Variants in MICU1 observed in about 807,000 individuals in gnomAD.
MICU1 encodes the protein mitochondrial calcium uptake 1.
In MICU1, 45 loss-of-function variants were observed where a neutral mutation model predicts 56.8. That is an observed-to-expected ratio of 0.79 (90% CI 0.62 to 1.02). The LOEUF (loss-of-function observed/expected upper bound fraction) is 1.02. MICU1 is among the 50% of genes least tolerant of loss of function. MICU1 has a pLI of 0.00. For synonymous variants in MICU1, 186 were observed against 195.1 expected (o/e 0.95, Z 0.39); for missense variants, 504 against 587.1 (o/e 0.86, Z 1.46).
chr10:72,490,201 G>A (rs1866607560), intron 6 of MICU1, among the ~76,000 whole-genome samples: 1 of 152,080 alleles, frequency 6.6e-6, no homozygotes, highest in African/African-American at 2.4e-5. Flanking sequence ...TTAGACTGTA[G>A]CTGCTCTACA....
intron 1 of MICU1, among the ~76,000 whole-genome samples, chr10:72,601,419 C>A (rs1365124868): frequency 2.3e-5 from 3 of 131,978 alleles, no homozygotes; most frequent in Admixed American, 8.2e-5. Context: ...GCAAATGAGA[C>A]CCTGTCTTTA....
At chr10:72,562,526 T>G (rs192772381) in intron 3 of MICU1, among the ~76,000 whole-genome samples, 97 of 152,330 alleles carry the variant, frequency 6.4e-4, no homozygotes, top group Non-Finnish European at 8.1e-4. Flanking sequence ...CTAGAAGTTA[T>G]GTTTCCAAAG....
chr10:72,569,237 A>ATATATATATTTTTTTTT, intron 1 of MICU1, among the ~76,000 whole-genome samples: 1 of 34,390 alleles, frequency 2.9e-5, no homozygotes, highest in Non-Finnish European at 5.1e-5. Flanking sequence ...ATATATATAT[A>ATATATATATTTTTTTTT]TTTTTTTTTT....
chr10:72,494,055 T>G (rs1866755082), intron 6 of MICU1, among the ~76,000 whole-genome samples: 1 of 152,164 alleles, frequency 6.6e-6, no homozygotes, highest in African/African-American at 2.4e-5. Flanking sequence ...TAATCAACCC[T>G]AATCTTTATT....
At chr10:72,610,119 G>C (rs1222210676) in intron 1 of MICU1, among the ~76,000 whole-genome samples, 1 of 151,826 alleles carries the variant, frequency 6.6e-6, no homozygotes, top group Non-Finnish European at 1.5e-5. Context: ...AAATTGGTTT[G>C]GCATGGTGGT....
intron 8 of MICU1, among the ~76,000 whole-genome samples, chr10:72,464,671 C>T (rs1463549505): frequency 1.3e-5 from 2 of 152,218 alleles, no homozygotes; most frequent in Non-Finnish European, 2.9e-5. Context: ...ATGATGAGAT[C>T]ATCTAACAAT....
At chr10:72,625,256 T>A (rs77771113) in intron 1 of MICU1, among the ~76,000 whole-genome samples, 6,213 of 152,292 alleles carry the variant, frequency 0.041, 434 homozygotes, top group African/African-American at 0.14. Flanking sequence ...ATATTTATTC[T>A]ACTTATATTT....
chr10:72,592,801 A>G (rs899470119), intron 1 of MICU1, among the ~76,000 whole-genome samples: 1 of 126,818 alleles, frequency 7.9e-6, no homozygotes, highest in Non-Finnish European at 1.6e-5. Context: ...TTTTTTTTTG[A>G]GATGGAGTTT....
chr10:72,429,573 A>G (rs955390480), intron 8 of MICU1, among the ~76,000 whole-genome samples: 1 of 152,216 alleles, frequency 6.6e-6, no homozygotes, highest in Non-Finnish European at 1.5e-5. Flanking sequence ...TAATTATAAA[A>G]CAGAAAACCT....
chr10:72,479,024 C>A (rs562171103), intron 6 of MICU1, among the ~76,000 whole-genome samples: 2 of 152,170 alleles, frequency 1.3e-5, no homozygotes, highest in Admixed American at 1.3e-4. Flanking sequence ...CTGAATGTTA[C>A]ATTTTACTGA....
intron 11 of MICU1, among the ~76,000 whole-genome samples, chr10:72,370,789 G>T (rs942450359): frequency 6.6e-6 from 1 of 152,192 alleles, no homozygotes; most frequent in Admixed American, 6.5e-5. Context: ...ACAGCACTTT[G>T]GGAGGCCGAG....
intron 11 of MICU1, among the ~76,000 whole-genome samples, chr10:72,368,947 A>G (rs1862235973): frequency 6.6e-6 from 1 of 152,142 alleles, no homozygotes. Flanking sequence ...GTATTGCTGG[A>G]CACTAAAGAA....
chr10:72,616,521 A>G (rs557138143), intron 1 of MICU1, among the ~76,000 whole-genome samples: 1 of 146,402 alleles, frequency 6.8e-6, no homozygotes, highest in African/African-American at 2.5e-5. Context: ...TGGGAGGCAG[A>G]GGTTGTGGTG....
chr10:72,581,397 A>G (rs1840894313), intron 1 of MICU1, among the ~76,000 whole-genome samples: 1 of 152,176 alleles, frequency 6.6e-6, no homozygotes, highest in South Asian at 2.1e-4. Flanking sequence ...TGAAAGACCA[A>G]GGCAGGCGAT....
At chr10:72,551,756 T>C (rs1840041114) in intron 3 of MICU1, among the ~76,000 whole-genome samples, 4 of 152,196 alleles carry the variant, frequency 2.6e-5, no homozygotes, top group Non-Finnish European at 5.9e-5. Flanking sequence ...TTCTATTTTT[T>C]ACAATCCTTC....
intron 1 of MICU1, among the ~76,000 whole-genome samples, chr10:72,623,001 G>A (rs1239135050): frequency 6.6e-6 from 1 of 152,088 alleles, no homozygotes; most frequent in African/African-American, 2.4e-5. Context: ...AGGTACAGTG[G>A]CTCACACCTC....
chr10:72,597,923 C>G (rs1193735413), intron 1 of MICU1, among the ~76,000 whole-genome samples: 1 of 151,998 alleles, frequency 6.6e-6, no homozygotes, highest in East Asian at 1.9e-4. Context: ...TGTCAGTGGT[C>G]AAAAAGTTTC....
At chr10:72,612,423 G>C (rs947955096) in intron 1 of MICU1, among the ~76,000 whole-genome samples, 3 of 152,152 alleles carry the variant, frequency 2.0e-5, no homozygotes, top group Admixed American at 1.3e-4. Flanking sequence ...TTTTCCTATA[G>C]AGCATGAAAT....
intron 8 of MICU1, among the ~76,000 whole-genome samples, chr10:72,435,764 C>T (rs964119642): frequency 9.2e-5 from 14 of 152,254 alleles, no homozygotes; most frequent in Non-Finnish European, 1.5e-4. Context: ...GCATGTCCCA[C>T]GCCCACGGAG....
Sources: allele counts gnomAD v4.1 joint callset (sites outside exome capture counted in the v4.1 genomes callset), GRCh38; gene constraint gnomAD v4.1.1; transcripts MANE v1.5; gene names NCBI Gene and HGNC (gene_info 2026-07-23, HGNC 2026-07-21).